TCF24: variants seen among roughly 807,000 people sequenced by gnomAD.
TCF24 encodes the protein transcription factor 24.
TCF24 carries 5 observed loss-of-function variants against 9.3 expected under a neutral mutation model. That is an observed-to-expected ratio of 0.54 (90% CI 0.28 to 1.13). The LOEUF (loss-of-function observed/expected upper bound fraction) is 1.13, where lower values mean the gene tolerates loss of function less well. Ranked by LOEUF, TCF24 falls within the 50% of genes most tolerant of loss-of-function variation. TCF24 has a pLI of 0.09. For missense variants in TCF24, 220 were observed against 236.1 expected, an observed-to-expected ratio of 0.93 and a Z score of 0.45; for synonymous variants, 110 against 115.8, an observed-to-expected ratio of 0.95 and a Z score of 0.32.
Position 66,961,573 on chromosome 8 carries a change from G to A in TCF24, c.193C>T (p.Leu65=). Residue 65 remains leucine (L), a synonymous_variant, in exon 3 of 4, where the codon CTG becomes TTG. Coordinates refer to ENST00000563496, the MANE Select transcript of TCF24 (RefSeq NM_001193502.2). The stretch of plus-strand genomic sequence containing the variant: ...TGCAGCTCCAGGAAAGCGTGCCGCA[G>A]GGTCTGCACCCGGCTGCGCTCCCGC... ...AARERSRVQT[L]RHAFLELQRT... is the part of the protein sequence containing the mutation. The A allele has an allele frequency of 6.7e-7, 1 of 1,482,414 alleles. No homozygotes were observed. Among genetic ancestry groups the A allele is most frequent in the Admixed American group, 2.3e-5 (1 of 44,128 alleles). The allele number at this position is 1,482,414 out of a possible 1,614,324, so 91.8% of individuals were successfully genotyped here. A position where few individuals can be genotyped will look rare whatever the true frequency, so the allele number is the denominator to read the frequency against.
chr8:66,953,769 A>G (rs1214678292), intron 3 of TCF24, among the ~76,000 whole-genome samples: 1 of 152,086 alleles, frequency 6.6e-6, no homozygotes, highest in East Asian at 1.9e-4. Context: ...ACATAGTCCC[A>G]TATTTCTTGG....
intron 3 of TCF24, among the ~76,000 whole-genome samples, chr8:66,948,898 G>A (rs183617572): frequency 3.4e-4 from 52 of 152,112 alleles, no homozygotes; most frequent in African/African-American, 9.2e-4. Flanking sequence ...GTATTACCAC[G>A]CTGTCCACGT....
At chr8:66,957,970 G>A (rs918304770) in intron 3 of TCF24, among the ~76,000 whole-genome samples, 4 of 148,930 alleles carry the variant, frequency 2.7e-5, no homozygotes, top group Non-Finnish European at 4.4e-5. Context: ...AAATGAAGGC[G>A]TCTATTTCAT....
At chr8:66,955,381 T>TAA (rs754507682) in intron 3 of TCF24, among the ~76,000 whole-genome samples, 1 of 136,334 alleles carries the variant, frequency 7.3e-6, no homozygotes, top group Non-Finnish European at 1.6e-5. Context: ...AGAGAGGGAC[T>TAA]AAAAAAAAAA....
chr8:66,957,322 C>G (rs1814173341), intron 3 of TCF24, among the ~76,000 whole-genome samples: 1 of 147,758 alleles, frequency 6.8e-6, no homozygotes, highest in Non-Finnish European at 1.5e-5. Flanking sequence ...GAGGCTGAGG[C>G]AGAAGAATTG....
intron 3 of TCF24, among the ~76,000 whole-genome samples, chr8:66,949,510 G>A (rs1415951690): frequency 1.3e-5 from 2 of 152,106 alleles, no homozygotes; most frequent in African/African-American, 2.4e-5. Context: ...ATCATTGTTG[G>A]ACATTTGGGT....
chr8:66,959,917 T>C (rs1224733598), intron 3 of TCF24, among the ~76,000 whole-genome samples: 1 of 152,216 alleles, frequency 6.6e-6, no homozygotes, highest in Non-Finnish European at 1.5e-5. Context: ...ATGGAAATGA[T>C]GCTTCCAACA....
chr8:66,959,866 T>C (rs1437685314), intron 3 of TCF24, among the ~76,000 whole-genome samples: 2 of 152,210 alleles, frequency 1.3e-5, no homozygotes, highest in East Asian at 1.9e-4. Flanking sequence ...ATTTGGTACA[T>C]GAATCAAGTG....
Position 66,961,398 on chromosome 8 carries a change from T to C in TCF24, c.368A>G (p.Asp123Gly), listed in dbSNP as rs965907712. The stretch of plus-strand genomic sequence containing the variant: ...TACCTTGACCGGGTGCAGGTAGCCA[T>C]CGCCGCGCAGGGCGCCCAACCCGGC... ...ADAGLGALRG[D>G]GYLHPVKKWP... Residue 123 changes from aspartate (D) to glycine (G), a missense_variant, in exon 3 of 4, where the codon GAT (aspartate) becomes GGT (glycine). Asp to Gly is a moderately conservative substitution (Grantham distance 94, BLOSUM62 -1). Coordinates refer to ENST00000563496, the MANE Select transcript of TCF24 (RefSeq NM_001193502.2). The C allele has an allele frequency of 1.3e-6, 2 of 1,506,454 alleles. No homozygotes were observed. The highest frequency in any genetic ancestry group is 2.9e-5 in the African/African-American group (2 of 69,982). The allele number at this position is 1,506,454 out of a possible 1,614,324, so 93.3% of individuals were successfully genotyped here. A position where few individuals can be genotyped will look rare whatever the true frequency, so the allele number is the denominator to read the frequency against.
chr8:66,962,370 G>A lies in TCF24; in HGVS notation c.-176C>T, dbSNP rs1226727792. ...GAGTGGAGCTCCGCTCCGTCGTGAG[G>A]GCGGGCGAGGGGCGTGGAGCAGGGC... On this transcript the variant is annotated 5_prime_UTR_variant, in exon 1 of 4. Transcript: ENST00000563496. 1 of 152,842 alleles carries A rather than the reference G, an allele frequency of 6.5e-6. No individual in the cohort carries two copies. The highest frequency in any genetic ancestry group is 1.5e-5 in the Non-Finnish European group (1 of 68,556). 9.5% of individuals were successfully genotyped at this position (152,842 alleles called of 1,614,324 possible).
At chr8:66,951,118 C>G (rs1475211042) in intron 3 of TCF24, among the ~76,000 whole-genome samples, 1 of 111,544 alleles carries the variant, frequency 9.0e-6, no homozygotes, top group African/African-American at 3.6e-5. Flanking sequence ...GCCAGAACTT[C>G]CAACACTATG....
chr8:66,958,270 G>A (rs543797181), intron 3 of TCF24, among the ~76,000 whole-genome samples: 7 of 152,290 alleles, frequency 4.6e-5, no homozygotes, highest in African/African-American at 1.7e-4. Context: ...TCAGGATTGT[G>A]CAGATTAACA....
chr8:66,949,567 G>A (rs1246596434), intron 3 of TCF24, among the ~76,000 whole-genome samples: 1 of 152,130 alleles, frequency 6.6e-6, no homozygotes, highest in Non-Finnish European at 1.5e-5. Context: ...ATAAACATAC[G>A]TGTGCATGTC....
chr8:66,948,206 T>G, intron 3 of TCF24, 42 bp from the exon 4 acceptor site: 1 of 1,391,280 alleles, frequency 7.2e-7, no homozygotes. Context: ...AGTTAGTATC[T>G]ATGACATATA....
chr8:66,956,495 T>C (rs1231599469), intron 3 of TCF24, among the ~76,000 whole-genome samples: 1 of 152,136 alleles, frequency 6.6e-6, no homozygotes, highest in Non-Finnish European at 1.5e-5. Flanking sequence ...CCCAAGTAGC[T>C]GGGATTACAG....
At chr8:66,948,961 G>C (rs1220404604) in intron 3 of TCF24, among the ~76,000 whole-genome samples, 1 of 152,124 alleles carries the variant, frequency 6.6e-6, no homozygotes, top group Non-Finnish European at 1.5e-5. Flanking sequence ...CTCCCAAAGT[G>C]CTGGGATTAC....
rs1813988661 is a variant in TCF24 at position 66,947,996 on chromosome 8, C to T, written c.*55G>A. The T allele has an allele frequency of 8.1e-7, 1 of 1,235,892 alleles. No individual in the cohort carries two copies. The highest frequency in any genetic ancestry group is 1.1e-6 in the Non-Finnish European group (1 of 910,974). The allele number at this position is 1,235,892 out of a possible 1,614,324, so 76.6% of individuals were successfully genotyped here. On this transcript the variant is annotated 3_prime_UTR_variant, in exon 4 of 4. Transcript: ENST00000563496. ...TCATATAATAAATATAGAATTATGT[C>T]ATAGTATTTAAAAACAATAGCCACC...
rs1283045605 is a variant in TCF24 at position 66,951,405 on chromosome 8, C to A, written c.391-3241G>T. ...ATGCTGGATTACATTTATTGATTTG[C>A]GTATATTGAACCAGCCTTGCATCCC... On this transcript the variant is annotated intron_variant, in intron 3 of 3. Coordinates refer to ENST00000563496, the MANE Select transcript of TCF24 (RefSeq NM_001193502.2). Among the ~76,000 whole-genome samples, 337 of 141,754 alleles carry A rather than the reference C, an allele frequency of 2.4e-3. 2 individuals are homozygous for A. The highest frequency in any genetic ancestry group is 3.9e-3 in the South Asian group (16 of 4,148). 93.0% of individuals were successfully genotyped at this position (141,754 alleles called of 152,430 possible). A position where few individuals can be genotyped will look rare whatever the true frequency, so the allele number is the denominator to read the frequency against.
chr8:66,954,009 C>A (rs1331471338), intron 3 of TCF24, among the ~76,000 whole-genome samples: 2 of 151,858 alleles, frequency 1.3e-5, no homozygotes, highest in African/African-American at 4.8e-5. Context: ...AAATTTTTTT[C>A]AAAGTTTTCA....
Sources: gnomAD v4.1 joint callset for allele counts (sites outside exome capture counted in the v4.1 genomes callset) on GRCh38, gnomAD v4.1.1 for gene constraint, MANE v1.5 for transcripts, NCBI Gene and HGNC (gene_info 2026-07-23, HGNC 2026-07-21) for gene names.